HPSE2: variants seen among roughly 807,000 people sequenced by gnomAD.
The protein encoded by HPSE2 is heparanase 2 (inactive), also known as inactive heparanase-2.
In HPSE2, 38 loss-of-function variants were observed where a neutral mutation model predicts 60.5. The ratio of observed to expected loss-of-function variants is 0.63; its 90% confidence interval spans 0.48 to 0.82. The LOEUF (loss-of-function observed/expected upper bound fraction) is 0.82, where lower values mean the gene tolerates loss of function less well. Among genes scored for constraint, HPSE2 ranks in the 40% least tolerant of loss-of-function variants. The pLI is 0.00. For synonymous variants in HPSE2, 295 were observed against 293.2 expected, an observed-to-expected ratio of 1.01 and a Z score of -0.06; for missense variants, 713 against 740.4, an observed-to-expected ratio of 0.96 and a Z score of 0.43.
chr10:98,754,391 T>A (rs1949830366), intron 3 of HPSE2, among the ~76,000 whole-genome samples: 1 of 152,082 alleles, frequency 6.6e-6, no homozygotes, highest in Non-Finnish European at 1.5e-5. Context: ...CTCGCTGGCA[T>A]TCTTGAAAGG....
rs371915166 is a variant in HPSE2, at chr10:98,578,815, TCTTTC to T, written c.1320+36084_1320+36088del. Among the ~76,000 whole-genome samples the T allele has an allele frequency of 3.9e-4, 59 of 152,264 alleles. No individual in the cohort carries two copies. The East Asian group carries it at 0.011, about 30-fold the overall frequency. The stretch of plus-strand genomic sequence containing the variant: ...ATGCTCCTCCATTTCCCTCTGCTTC[TCTTTC>T]TTCTTCAGATGCATTCCCCTCCTCT... On this transcript the variant is annotated intron_variant, in intron 9 of 11. Coordinates refer to ENST00000370552, the MANE Select transcript of HPSE2 (RefSeq NM_021828.5).
chr10:98,999,267 G>A (rs1341549439), intron 3 of HPSE2, among the ~76,000 whole-genome samples: 1 of 151,824 alleles, frequency 6.6e-6, no homozygotes, highest in African/African-American at 2.4e-5. Context: ...TAAATATATG[G>A]AGGAAATATG....
intron 11 of HPSE2, among the ~76,000 whole-genome samples, chr10:98,464,670 G>T (rs150247250): frequency 6.6e-6 from 1 of 152,212 alleles, no homozygotes; most frequent in Non-Finnish European, 1.5e-5. Flanking sequence ...CAGAGTAGGG[G>T]CTAAATATTT....
intron 3 of HPSE2, among the ~76,000 whole-genome samples, chr10:98,812,934 T>C (rs569827159): frequency 6.6e-6 from 1 of 152,272 alleles, no homozygotes; most frequent in East Asian, 1.9e-4. Flanking sequence ...GATTCACATT[T>C]TCAGGGAAGT....
In HPSE2 at chr10:98,745,142, C is replaced by T. The variant is rs115437178; in HGVS notation, c.611-1086G>A. On this transcript the variant is annotated intron_variant, in intron 3 of 11. Transcript: ENST00000370552. Reference sequence around the variant, plus strand: ...GCGTGAACCTGGGAGACAGAGCTTGCGGTAAGCCGCGATTGCGCCACTGTA... The same window carrying T: ...GCGTGAACCTGGGAGACAGAGCTTGTGGTAAGCCGCGATTGCGCCACTGTA... 4.0e-3 allele frequency among the ~76,000 whole-genome samples: 616 copies of T among 152,218 alleles called. 2 individuals are homozygous for T. Among genetic ancestry groups the T allele is most frequent in the African/African-American group, 0.014 (568 of 41,540 alleles).
chr10:99,161,525 A>G (rs993576720), intron 2 of HPSE2, among the ~76,000 whole-genome samples: 3 of 152,218 alleles, frequency 2.0e-5, no homozygotes, highest in Non-Finnish European at 2.9e-5. Context: ...GACAGAAAGC[A>G]TATCAGTGGT....
chr10:98,492,510 C>CA (rs10645866), intron 9 of HPSE2, among the ~76,000 whole-genome samples: 61,169 of 112,216 alleles, frequency 0.55, 15,028 homozygotes, highest in Non-Finnish European at 0.61. Flanking sequence ...TCAAAAAAGA[C>CA]AAAAAAAAAA....
chr10:98,818,637 T>G (rs1351139855), intron 3 of HPSE2, among the ~76,000 whole-genome samples: 5 of 152,104 alleles, frequency 3.3e-5, no homozygotes, highest in Non-Finnish European at 2.9e-5. Flanking sequence ...GAGCCAAAAC[T>G]TTATATCCAC....
At chr10:99,007,666 C>T (rs1956924476) in intron 3 of HPSE2, among the ~76,000 whole-genome samples, 1 of 152,150 alleles carries the variant, frequency 6.6e-6, no homozygotes, top group Non-Finnish European at 1.5e-5. Flanking sequence ...CAGATTTTGC[C>T]TGGAGGCCAT....
At chr10:99,132,557 G>C (rs1845484915) in intron 3 of HPSE2, among the ~76,000 whole-genome samples, 1 of 152,066 alleles carries the variant, frequency 6.6e-6, no homozygotes. Flanking sequence ...TCATCGCATT[G>C]GGTCTGGTTG....
chr10:98,697,120 C>T (rs1948245440), intron 5 of HPSE2, among the ~76,000 whole-genome samples: 1 of 152,152 alleles, frequency 6.6e-6, no homozygotes, highest in Admixed American at 6.5e-5. Context: ...AGTGCCTCTC[C>T]AGCAAGGGCA....
At chr10:99,205,132 T>C (rs761999625) in intron 2 of HPSE2, among the ~76,000 whole-genome samples, 8 of 152,180 alleles carry the variant, frequency 5.3e-5, no homozygotes, top group Non-Finnish European at 5.9e-5. Flanking sequence ...AAATTACTTA[T>C]TGGTTACAAT....
chr10:98,816,346 T>G (rs1951289768), intron 3 of HPSE2, among the ~76,000 whole-genome samples: 1 of 151,916 alleles, frequency 6.6e-6, no homozygotes, highest in Admixed American at 6.6e-5. Flanking sequence ...GTTCTGGGAG[T>G]GTGGGCTGCA....
intron 11 of HPSE2, among the ~76,000 whole-genome samples, chr10:98,467,870 G>T (rs10883106): frequency 1.1e-3 from 174 of 152,320 alleles, no homozygotes; most frequent in Non-Finnish European, 2.2e-3. Context: ...CGTGCGAAAC[G>T]GGACTGCAAT....
chr10:98,815,929 G>A (rs1042268244), intron 3 of HPSE2, among the ~76,000 whole-genome samples: 5 of 148,298 alleles, frequency 3.4e-5, no homozygotes, highest in African/African-American at 1.2e-4. Context: ...TCGCAAGGAC[G>A]AAAAACCAAA....
chr10:99,166,755 C>T (rs1847094682), intron 2 of HPSE2, among the ~76,000 whole-genome samples: 1 of 150,898 alleles, frequency 6.6e-6, no homozygotes, highest in South Asian at 2.1e-4. Context: ...GGGCACAAAT[C>T]CTTTATCAGA....
chr10:98,686,891 T>C (rs1274670146), intron 6 of HPSE2, among the ~76,000 whole-genome samples: 1 of 152,198 alleles, frequency 6.6e-6, no homozygotes, highest in Non-Finnish European at 1.5e-5. Flanking sequence ...GAAAAAAATG[T>C]GGTTCAACTG....
At position 99,086,735 on chromosome 10, in the gene HPSE2, TA is replaced by T. The variant is rs566539201; in HGVS notation, c.610+57502del. On this transcript the variant is annotated intron_variant, in intron 3 of 11. Transcript: ENST00000370552. ...ATCTGTTATAGAAAACAAATCATCC[TA>T]ATCTCATCTTTCATCCAAAAAGTAA... Among the ~76,000 whole-genome samples the T allele has an allele frequency of 2.0e-4, 30 of 152,360 alleles. No individual in the cohort carries two copies. The South Asian group carries it at 6.0e-3, about 31-fold the overall frequency.
chr10:99,205,665 CA>C (rs1848722207), intron 2 of HPSE2, among the ~76,000 whole-genome samples: 1 of 152,140 alleles, frequency 6.6e-6, no homozygotes, highest in Non-Finnish European at 1.5e-5. Flanking sequence ...TACACAAACA[CA>C]AACTGGACAC....
Sources: allele counts gnomAD v4.1 joint callset (sites outside exome capture counted in the v4.1 genomes callset), GRCh38; gene constraint gnomAD v4.1.1; transcripts MANE v1.5; gene names NCBI Gene and HGNC (gene_info 2026-07-23, HGNC 2026-07-21).